The following NEK10 variants were observed in gnomAD, a reference collection of about 807,000 sequenced individuals.
The protein encoded by NEK10 is NIMA related kinase 10, also known as serine/threonine-protein kinase Nek10.
A neutral mutation model predicts 159.8 loss-of-function variants in NEK10; 122 were observed. The ratio of observed to expected loss-of-function variants is 0.76; its 90% confidence interval spans 0.66 to 0.89. The LOEUF (loss-of-function observed/expected upper bound fraction) is 0.89, where lower values mean the gene tolerates loss of function less well. NEK10 is among the 40% of genes least tolerant of loss of function. The pLI, the probability that NEK10 is intolerant of heterozygous loss-of-function variation, is 0.00. For synonymous variants in NEK10, 466 were observed against 457.1 expected (o/e 1.02, Z -0.25); for missense variants, 1,342 against 1,323.1 (o/e 1.01, Z -0.22).
intron 22 of NEK10, among the ~76,000 whole-genome samples, chr3:27,259,087 T>A (rs1329831402): frequency 6.6e-6 from 1 of 152,160 alleles, no homozygotes; most frequent in Non-Finnish European, 1.5e-5. Flanking sequence ...ATTGTAAATT[T>A]GAGGGAGTTC....
chr3:27,290,642 G>C lies in NEK10; in HGVS notation c.1718C>G (p.Ser573Cys), dbSNP rs1264897408. The C allele has an allele frequency of 6.3e-7, 1 of 1,595,322 alleles. No individual in the cohort carries two copies. The highest frequency in any genetic ancestry group is 1.4e-5 in the African/African-American group (1 of 73,734). Residue 573 changes from serine (S) to cysteine (C), a missense_variant, in exon 19 of 36, where the codon TCT becomes TGT. By Grantham distance (112) the Ser-to-Cys change is moderately radical. Transcript: ENST00000691995. ...DRDSSVRNIV[S>C]ELTIIKEQLY... ...CTGCTCTTTAATTATTGTTAATTCA[G>C]AAACAATATTCCTTACGCTGCTGTC...
At chr3:27,120,579 C>T (rs1329905506) in intron 32 of NEK10, among the ~76,000 whole-genome samples, 1 of 152,046 alleles carries the variant, frequency 6.6e-6, no homozygotes, top group Non-Finnish European at 1.5e-5. Context: ...ATCCACCCAC[C>T]TTGGCCTTCC....
At chr3:27,280,370 T>C (rs990762132) in intron 22 of NEK10, among the ~76,000 whole-genome samples, 10 of 152,006 alleles carry the variant, frequency 6.6e-5, no homozygotes, top group Non-Finnish European at 1.0e-4. Context: ...GCTCAATACA[T>C]AGAATTGAGA....
chr3:27,107,786 A>C lies in NEK10; in HGVS notation c.*3486T>G, dbSNP rs1320246837. 6.6e-6 allele frequency among the ~76,000 whole-genome samples: 1 copy of C among 152,216 alleles called. No individual in the cohort carries two copies. The highest frequency in any genetic ancestry group is 2.4e-5 in the African/African-American group (1 of 41,450). On this transcript the variant is annotated 3_prime_UTR_variant, in exon 36 of 36. Coordinates refer to ENST00000691995, the MANE Select transcript of NEK10 (RefSeq NM_001394966.1). The stretch of plus-strand genomic sequence containing the variant: ...TGAAAACCATCATAGAAAAAGTAAA[A>C]GGCAATGATGAAAGTTCCTTAAAAA...
intron 26 of NEK10, among the ~76,000 whole-genome samples, chr3:27,176,602 T>C (rs966367705): frequency 1.3e-5 from 2 of 152,236 alleles, no homozygotes; most frequent in Non-Finnish European, 2.9e-5. Flanking sequence ...CTACCTCTTT[T>C]CTTCGTCCCA....
chr3:27,183,400 A>AC (rs1379752740), intron 26 of NEK10, among the ~76,000 whole-genome samples: 1 of 151,316 alleles, frequency 6.6e-6, no homozygotes, highest in African/African-American at 2.4e-5. Context: ...AATGACCAAA[A>AC]AAAAAAACCA....
chr3:27,368,165 C>T (rs1373692724), intron 1 of NEK10, among the ~76,000 whole-genome samples: 1 of 151,928 alleles, frequency 6.6e-6, no homozygotes, highest in Non-Finnish European at 1.5e-5. Flanking sequence ...TAGTGGCTCG[C>T]GCCTGTAATC....
At chr3:27,341,353 C>A (rs2047191194) in intron 5 of NEK10, among the ~76,000 whole-genome samples, 1 of 152,108 alleles carries the variant, frequency 6.6e-6, no homozygotes, top group Admixed American at 6.5e-5. Context: ...GAAGAGAGTT[C>A]TCAACACATA....
chr3:27,246,570 A>C (rs946102549), intron 23 of NEK10, among the ~76,000 whole-genome samples: 1 of 152,114 alleles, frequency 6.6e-6, no homozygotes, highest in Non-Finnish European at 1.5e-5. Flanking sequence ...ATACTCTTTC[A>C]GTTATTGTAA....
In NEK10 at chr3:27,198,987, C is replaced by T. The variant is rs371448618; in HGVS notation, c.2291+2523G>A. The stretch of plus-strand genomic sequence containing the variant: ...ACTCAGGAGGCTGAGGCAGGAGAAT[C>T]GCTTGAACCTGGGAGGTGGAGGTTG... On this transcript the variant is annotated intron_variant, in intron 25 of 35. Coordinates refer to ENST00000691995, the MANE Select transcript of NEK10 (RefSeq NM_001394966.1). Among the ~76,000 whole-genome samples, 16 of 150,030 alleles carry T rather than the reference C, an allele frequency of 1.1e-4. 1 individual carries two copies. The East Asian group carries it at 1.8e-3, about 17-fold the overall frequency.
rs143678600 is a variant in NEK10, at chr3:27,107,469, C to G, written c.*3803G>C. Reference sequence around the variant, plus strand: ...AAGTGTAAGCATATTGTTAGCAACACATTTCAACTGAAAAAATAATCTACC... The same window carrying G: ...AAGTGTAAGCATATTGTTAGCAACAGATTTCAACTGAAAAAATAATCTACC... On this transcript the variant is annotated 3_prime_UTR_variant, in exon 36 of 36. Transcript: ENST00000691995. 2.7e-3 allele frequency among the ~76,000 whole-genome samples: 404 copies of G among 152,256 alleles called. 2 individuals are homozygous for G. The highest frequency in any genetic ancestry group is 9.1e-3 in the African/African-American group (380 of 41,556).
chr3:27,358,279 G>C (rs2149857288), intron 1 of NEK10, among the ~76,000 whole-genome samples: 1 of 152,208 alleles, frequency 6.6e-6, no homozygotes, highest in South Asian at 2.1e-4. Flanking sequence ...GAAACTTTTG[G>C]TGTCTTTGCT....
At position 27,171,807 on chromosome 3, in the gene NEK10, A is replaced by G. The variant is rs149467662; in HGVS notation, c.2831+12T>C. ...ATCAAAAAATATTTCTAGGAGTTCA[A>G]TTTGCACCTACCTTGTTTGGGATTG... On this transcript the variant is annotated intron_variant, in intron 29 of 35. Transcript: ENST00000691995. 8.9e-4 allele frequency: 1,442 copies of G among 1,613,482 alleles called. 14 individuals carry two copies. The African/African-American group carries it at 0.018, about 20-fold the overall frequency.
intron 11 of NEK10, among the ~76,000 whole-genome samples, chr3:27,306,457 G>A (rs769251227): frequency 6.6e-6 from 1 of 151,958 alleles, no homozygotes; most frequent in Non-Finnish European, 1.5e-5. Context: ...TTACCTTCAC[G>A]AACTTTCCCA....
At chr3:27,228,424 A>G (rs976215138) in intron 23 of NEK10, among the ~76,000 whole-genome samples, 2 of 152,138 alleles carry the variant, frequency 1.3e-5, no homozygotes, top group African/African-American at 4.8e-5. Context: ...TCAGTGGTCC[A>G]AAACAATTTC....
intron 31 of NEK10, among the ~76,000 whole-genome samples, chr3:27,140,781 G>C (rs148183766): frequency 1.3e-5 from 2 of 152,236 alleles, no homozygotes; most frequent in East Asian, 1.9e-4. Flanking sequence ...CTGGCACATA[G>C]TAGGCACCTA....
intron 31 of NEK10, among the ~76,000 whole-genome samples, chr3:27,138,120 C>A (rs1003569189): frequency 6.6e-6 from 1 of 152,220 alleles, no homozygotes; most frequent in Non-Finnish European, 1.5e-5. Flanking sequence ...CAGCTCATAG[C>A]AAACAGCACA....
intron 32 of NEK10, among the ~76,000 whole-genome samples, chr3:27,126,982 C>T (rs190115055): frequency 6.6e-6 from 1 of 151,972 alleles, no homozygotes. Flanking sequence ...AGTAATTGAT[C>T]TAGGAGAAGC....
At chr3:27,172,750 A>G (rs1021338148) in intron 28 of NEK10, among the ~76,000 whole-genome samples, 1 of 152,116 alleles carries the variant, frequency 6.6e-6, no homozygotes, top group Non-Finnish European at 1.5e-5. Flanking sequence ...AGGTACAAAT[A>G]TATTATATAT....
Sources: gnomAD v4.1 joint callset for allele counts (sites outside exome capture counted in the v4.1 genomes callset) on GRCh38, gnomAD v4.1.1 for gene constraint, MANE v1.5 for transcripts, NCBI Gene and HGNC (gene_info 2026-07-23, HGNC 2026-07-21) for gene names.